Variants in KAT6A observed in about 807,000 individuals in gnomAD.
The protein encoded by KAT6A is histone acetyltransferase KAT6A.
In KAT6A, 9 loss-of-function variants were observed where a neutral mutation model predicts 198.4. That is an observed-to-expected ratio of 0.05 (90% confidence interval 0.03 to 0.08). The LOEUF (loss-of-function observed/expected upper bound fraction) is 0.08, where lower values mean the gene tolerates loss of function less well. Among genes scored for constraint, KAT6A ranks in the 10% least tolerant of loss-of-function variants. KAT6A has a pLI of 1.00. For missense variants in KAT6A, 2,077 were observed against 2,509.9 expected, an observed-to-expected ratio of 0.83 and a Z score of 3.69; for synonymous variants, 890 against 883.0, an observed-to-expected ratio of 1.01 and a Z score of -0.14.
chr8:41,992,199 AAAAAAAAAAG>A (rs1188588673), intron 2 of KAT6A, among the ~76,000 whole-genome samples: 2 of 147,910 alleles, frequency 1.4e-5, no homozygotes, highest in African/African-American at 5.0e-5. Context: ...GACTGTCTTT[AAAAAAAAAAG>A]AAAAAAAAAG....
At chr8:42,004,060 C>T (rs1173581308) in intron 2 of KAT6A, among the ~76,000 whole-genome samples, 1 of 152,156 alleles carries the variant, frequency 6.6e-6, no homozygotes, top group Non-Finnish European at 1.5e-5. Context: ...CTATTCATAT[C>T]CTCAATGTTA....
rs781406038 is a variant in KAT6A at position 41,934,461 on chromosome 8, AGAGGCTGCTGGG to A, written c.3747_3758del (p.Ala1252_Ala1255del). Reference sequence around the variant, plus strand: ...CAGGACTATTGCTGCTGTCTGCTGGAGAGGCTGCTGGGACTTCACTGCTGGCTGCATCCTCTT... The same window carrying A: ...CAGGACTATTGCTGCTGTCTGCTGGAACTTCACTGCTGGCTGCATCCTCTT... On this transcript the variant is annotated inframe_deletion, in exon 17 of 17. Coordinates refer to ENST00000265713, the MANE Select transcript of KAT6A (RefSeq NM_006766.5). The A allele has an allele frequency of 4.4e-6, 7 of 1,607,708 alleles. No homozygotes were observed. The Admixed American group carries it at 1.2e-4, about 28-fold the overall frequency.
chr8:42,025,753 A>G (rs1036185146), intron 2 of KAT6A, among the ~76,000 whole-genome samples: 2 of 152,116 alleles, frequency 1.3e-5, no homozygotes, highest in Admixed American at 6.5e-5. Context: ...GTAGCTCCTT[A>G]GTTTAATATA....
At chr8:42,032,871 C>CTTTTTTTTTTTT (rs1163323345) in intron 2 of KAT6A, among the ~76,000 whole-genome samples, 1 of 76,516 alleles carries the variant, frequency 1.3e-5, no homozygotes, top group Non-Finnish European at 2.4e-5. Flanking sequence ...AAAACCTTGG[C>CTTTTTTTTTTTT]TTTTTTTTTT....
At chr8:41,950,156 G>C (rs1305316778) in intron 9 of KAT6A, among the ~76,000 whole-genome samples, 1 of 152,168 alleles carries the variant, frequency 6.6e-6, no homozygotes, top group African/African-American at 2.4e-5. Context: ...GGAGCTAAGA[G>C]CATGGAAAGC....
At position 41,932,875 on chromosome 8, in the gene KAT6A, G is replaced by C; in HGVS notation, c.5345C>G (p.Thr1782Ser). The part of the protein sequence containing the change: ...SHSPAVTSYA[T>S]SVSLSNTGLA... ...TCCTGTATTGGACAGAGAAACACTG[G>C]TTGCATAGGAAGTCACAGCAGGAGA... The change falls in exon 17 of 17, where the codon ACC (threonine) becomes AGC (serine). Residue 1782 changes from threonine (T) to serine (S), a missense_variant. Thr to Ser is a moderately conservative substitution (Grantham distance 58). Around this residue, in one of 13 missense-constraint regions of KAT6A, gnomAD observed 500 missense variants for 577.2 expected, o/e 0.87. Transcript: ENST00000265713. The C allele has an allele frequency of 6.2e-7, 1 of 1,614,134 alleles. No homozygotes were observed. Among genetic ancestry groups the C allele is most frequent in the South Asian group, 1.1e-5 (1 of 91,084 alleles).
intron 2 of KAT6A, among the ~76,000 whole-genome samples, chr8:42,033,457 T>A (rs1276165844): frequency 6.6e-6 from 1 of 152,164 alleles, no homozygotes; most frequent in Admixed American, 6.5e-5. Flanking sequence ...GAGAGCTAAG[T>A]TAGACATGTG....
chr8:41,946,732 G>A (rs1822415934), intron 11 of KAT6A, 48 bp from the exon 12 acceptor site: 2 of 1,065,540 alleles, frequency 1.9e-6, no homozygotes, highest in Non-Finnish European at 2.9e-6. Flanking sequence ...TGGTAAAAGT[G>A]AATAATAACG....
Position 41,934,258 on chromosome 8 carries a change from T to A in KAT6A, c.3962A>T (p.Asp1321Val). 2 of 1,614,194 alleles carry A rather than the reference T, an allele frequency of 1.2e-6. No homozygotes were observed. The highest frequency in any genetic ancestry group is 8.5e-7 in the Non-Finnish European group (1 of 1,180,036). Reference protein sequence around the residue: ...NDDHDADDEDDGHLESTKKKE... With the variant: ...NDDHDADDEDVGHLESTKKKE... ...TTTCTTTGTGGACTCCAGGTGGCCA[T>A]CATCCTCATCATCAGCGTCGTGGTC... The change falls in exon 17 of 17, where the codon GAT (aspartate) becomes GTT (valine). Residue 1321 changes from aspartate (D) to valine (V), a missense_variant. Physicochemically the swap from Asp to Val is radical, Grantham distance 152. This residue lies in a region of KAT6A where 375 missense variants were observed against 383.0 expected (regional missense o/e 0.98). Transcript: ENST00000265713.
intron 2 of KAT6A, among the ~76,000 whole-genome samples, chr8:42,039,479 T>A (rs777983436): frequency 1.3e-5 from 2 of 152,154 alleles, no homozygotes; most frequent in Non-Finnish European, 2.9e-5. Flanking sequence ...ATCTAATAGA[T>A]GTTAAGGAGA....
intron 2 of KAT6A, among the ~76,000 whole-genome samples, chr8:42,014,958 A>G (rs1334844476): frequency 6.6e-6 from 1 of 152,234 alleles, no homozygotes; most frequent in Non-Finnish European, 1.5e-5. Context: ...TTATGGGTTC[A>G]GTTCTCTAAG....
At chr8:41,976,975 C>G (rs771783436) in intron 7 of KAT6A, 33 bp downstream of exon 7, 1 of 1,485,500 alleles carries the variant, frequency 6.7e-7, no homozygotes, top group East Asian at 2.3e-5. Flanking sequence ...GTACAGAATA[C>G]TATTTGTTTC....
intron 2 of KAT6A, among the ~76,000 whole-genome samples, chr8:42,006,995 C>CAA (rs10701182): frequency 0.15 from 13,528 of 87,822 alleles, 1,152 homozygotes; most frequent in Middle Eastern, 0.28. Flanking sequence ...GACTCCATCT[C>CAA]AAAAAAAAAA....
chr8:41,973,198 T>C (rs1210193646), intron 8 of KAT6A, among the ~76,000 whole-genome samples: 1 of 152,194 alleles, frequency 6.6e-6, no homozygotes, highest in African/African-American at 2.4e-5. Flanking sequence ...ATGAAGAGTT[T>C]TCCCTAGAAC....
intron 2 of KAT6A, among the ~76,000 whole-genome samples, chr8:42,005,863 T>C (rs1300254528): frequency 1.3e-5 from 2 of 151,640 alleles, no homozygotes; most frequent in African/African-American, 2.4e-5. Context: ...GGAACTGCCT[T>C]TGAAAAAAAG....
At position 41,966,931 on chromosome 8, in the gene KAT6A, C is replaced by A. The variant is rs1406977397; in HGVS notation, c.1482+7773G>T. 2.0e-5 allele frequency among the ~76,000 whole-genome samples: 3 copies of A among 152,288 alleles called. No homozygotes were observed. In the East Asian group the frequency reaches 5.8e-4, roughly 29 times the overall value. ...TAAAAACTTACAGGAAGTCACTGAA[C>A]TAATAGTGTTGGTTTCCTCATATGT... On this transcript the variant is annotated intron_variant, in intron 8 of 16. Transcript: ENST00000265713.
intron 2 of KAT6A, among the ~76,000 whole-genome samples, chr8:42,040,432 T>C (rs1827599404): frequency 2.0e-5 from 3 of 152,078 alleles, no homozygotes; most frequent in South Asian, 4.1e-4. Flanking sequence ...GTCTAGGTTG[T>C]AAGCATAAGA....
rs1318538816 is a variant in KAT6A, at chr8:41,941,319, A to G, written c.2562T>C (p.Asp854=). The G allele has an allele frequency of 2.5e-6, 4 of 1,613,824 alleles. No individual in the cohort carries two copies. Among genetic ancestry groups the G allele is most frequent in the Admixed American group, 1.7e-5 (1 of 60,016 alleles). Reference sequence around the variant, plus strand: ...ATGGCTGGCTATTTGCAGGAAGACTATCATGAGGAAGGACTTGTTTGCTCA... The same window carrying G: ...ATGGCTGGCTATTTGCAGGAAGACTGTCATGAGGAAGGACTTGTTTGCTCA... ...TRLSKQVLPH[D]SLPANSQPSR... is the part of the protein sequence containing the mutation. Residue 854 remains aspartate (D), a synonymous_variant, in exon 15 of 17, where the codon GAT becomes GAC. Coordinates refer to ENST00000265713, the MANE Select transcript of KAT6A (RefSeq NM_006766.5).
chr8:41,992,854 A>G (rs1434672365), intron 2 of KAT6A, among the ~76,000 whole-genome samples: 1 of 152,216 alleles, frequency 6.6e-6, no homozygotes, highest in Non-Finnish European at 1.5e-5. Context: ...GACAGATTAG[A>G]TCACTTTATT....
Sources: allele counts gnomAD v4.1 joint callset (sites outside exome capture counted in the v4.1 genomes callset), GRCh38; gene constraint gnomAD v4.1.1; regional missense constraint gnomAD v4.1.1; transcripts MANE v1.5; gene names NCBI Gene and HGNC (gene_info 2026-07-23, HGNC 2026-07-21).